ZYG11A: variants seen among roughly 807,000 people sequenced by gnomAD.
ZYG11A encodes the protein protein zyg-11 homolog A.
A neutral mutation model predicts 77.2 loss-of-function variants in ZYG11A; 62 were observed. That is an observed-to-expected ratio of 0.80 (90% confidence interval 0.65 to 0.99). The LOEUF (loss-of-function observed/expected upper bound fraction) is 0.99, where lower values mean the gene tolerates loss of function less well. Among genes scored for constraint, ZYG11A ranks in the 50% least tolerant of loss-of-function variants. The pLI is 0.00. For synonymous variants in ZYG11A, 315 were observed against 324.6 expected, an observed-to-expected ratio of 0.97 and a Z score of 0.32; for missense variants, 828 against 896.8, an observed-to-expected ratio of 0.92 and a Z score of 0.98.
At chr1:52,878,023 C>T in intron 10 of ZYG11A, 54 bp downstream of exon 10, 2 of 1,424,496 alleles carry the variant, frequency 1.4e-6, no homozygotes, top group Non-Finnish European at 9.7e-7. Context: ...AAACCTAACA[C>T]TTATATAGTA....
intron 1 of ZYG11A, among the ~76,000 whole-genome samples, chr1:52,852,555 G>C (rs1645733544): frequency 6.6e-6 from 1 of 151,366 alleles, no homozygotes; most frequent in African/African-American, 2.4e-5. Context: ...TTTAGAACAG[G>C]GTTTTGCTAT....
At chr1:52,847,868 A>T (rs867423362) in intron 1 of ZYG11A, among the ~76,000 whole-genome samples, 11 of 72,552 alleles carry the variant, frequency 1.5e-4, no homozygotes, top group African/African-American at 5.7e-4. Flanking sequence ...TTATTTATTT[A>T]TTTATTTATT....
chr1:52,883,470 C>T (rs922079014), intron 11 of ZYG11A, among the ~76,000 whole-genome samples: 8 of 151,586 alleles, frequency 5.3e-5, no homozygotes, highest in East Asian at 1.9e-4. Context: ...GTCTGTTGCC[C>T]GGGCTGGAGT....
Position 52,854,591 on chromosome 1 carries a change from G to A in ZYG11A, c.217G>A (p.Glu73Lys). The change falls in exon 2 of 14, where the codon GAA becomes AAA. Residue 73 changes from glutamate to lysine, a missense_variant. Physicochemically the swap from Glu to Lys is moderately conservative, Grantham distance 56. Coordinates refer to ENST00000371528, the MANE Select transcript of ZYG11A (RefSeq NM_001004339.3). Reference sequence around the variant, plus strand: ...TCCGGAGCATTGGAGTTTCCCTCAGGAAGTAGCCGAGCGATTTCTCAGGGT... The same window carrying A: ...TCCGGAGCATTGGAGTTTCCCTCAGAAAGTAGCCGAGCGATTTCTCAGGGT... ...CLPEHWSFPQ[E>K]VAERFLRVMT... 3 of 1,547,720 alleles carry A rather than the reference G, an allele frequency of 1.9e-6. No homozygotes were observed. The highest frequency in any genetic ancestry group is 1.7e-6 in the Non-Finnish European group (2 of 1,144,068).
chr1:52,893,121 G>A lies in ZYG11A; in HGVS notation c.*164G>A, dbSNP rs1371183929. Reference sequence around the variant, plus strand: ...AAAAGGTTGGATTTGTATGATAGCTGTAATCCCAAGTCAAGTTGGACTCAT... The same window carrying A: ...AAAAGGTTGGATTTGTATGATAGCTATAATCCCAAGTCAAGTTGGACTCAT... On this transcript the variant is annotated 3_prime_UTR_variant, in exon 14 of 14. Coordinates refer to ENST00000371528, the MANE Select transcript of ZYG11A (RefSeq NM_001004339.3). The A allele has an allele frequency of 3.1e-6, 2 of 638,552 alleles. No homozygotes were observed. The highest frequency in any genetic ancestry group is 5.2e-6 in the Non-Finnish European group (2 of 385,064). 39.6% of individuals were successfully genotyped at this position (638,552 alleles called of 1,614,324 possible).
Position 52,881,664 on chromosome 1 carries a change from T to C in ZYG11A, c.1943T>C (p.Leu648Pro). 1 of 1,547,342 alleles carries C rather than the reference T, an allele frequency of 6.5e-7. No homozygotes were observed. The highest frequency in any genetic ancestry group is 8.7e-7 in the Non-Finnish European group (1 of 1,144,366). ...CAGAGGCGTACTCTTCTCCAAGATC[T>C]GGTACAGGAACCACATTCTTATTTA... The part of the protein sequence containing the change: ...DFQRRTLLQD[L>P]HATIQNWPSS... The change falls in exon 11 of 14, where the codon CTG becomes CCG. Residue 648 changes from leucine (L) to proline (P), a missense_variant and splice_region_variant. Leu to Pro is a moderately conservative substitution (Grantham distance 98). Coordinates refer to ENST00000371528, the MANE Select transcript of ZYG11A (RefSeq NM_001004339.3).
At chr1:52,851,881 G>A (rs1227684464) in intron 1 of ZYG11A, among the ~76,000 whole-genome samples, 2 of 150,598 alleles carry the variant, frequency 1.3e-5, no homozygotes, top group Non-Finnish European at 3.0e-5. Context: ...CTGAGTAGCT[G>A]GGATTACAGG....
chr1:52,882,013 A>G (rs538690375), intron 11 of ZYG11A, among the ~76,000 whole-genome samples: 4 of 151,642 alleles, frequency 2.6e-5, no homozygotes, highest in African/African-American at 9.7e-5. Flanking sequence ...TCCCACCTCA[A>G]CCTCCCAAGT....
chr1:52,843,198 C>T (rs1337700100), intron 1 of ZYG11A, among the ~76,000 whole-genome samples: 2 of 152,120 alleles, frequency 1.3e-5, no homozygotes, highest in African/African-American at 4.8e-5. Flanking sequence ...CTTTTCTGCG[C>T]CCGGCGAAGC....
At chr1:52,870,890 G>T (rs1191093276) in intron 8 of ZYG11A, among the ~76,000 whole-genome samples, 1 of 143,840 alleles carries the variant, frequency 7.0e-6, no homozygotes, top group Non-Finnish European at 1.6e-5. Flanking sequence ...GGGGGAGGGG[G>T]AGAGGGAGAG....
intron 2 of ZYG11A, 76 bp downstream of exon 2, chr1:52,854,706 A>T (rs902463808): frequency 7.7e-7 from 1 of 1,302,846 alleles, no homozygotes. Flanking sequence ...CACAATTTCT[A>T]TTGTGATTCT....
At position 52,893,729 on chromosome 1, in the gene ZYG11A, C is replaced by T. The variant is rs1481102946; in HGVS notation, c.*772C>T. ...GCAGTGAGCTGAGATTGCACCACTG[C>T]ACTCCAGCCTGGATGACAGAGTGAG... On this transcript the variant is annotated 3_prime_UTR_variant, in exon 14 of 14. Coordinates refer to ENST00000371528, the MANE Select transcript of ZYG11A (RefSeq NM_001004339.3). The T allele has an allele frequency of 1.3e-5, 2 of 151,584 alleles. No individual in the cohort carries two copies. The highest frequency in any genetic ancestry group is 2.9e-5 in the Non-Finnish European group (2 of 67,956). The allele number at this position is 151,584 out of a possible 1,614,324, so 9.4% of individuals were successfully genotyped here.
At chr1:52,850,005 G>T (rs968221206) in intron 1 of ZYG11A, among the ~76,000 whole-genome samples, 2 of 152,110 alleles carry the variant, frequency 1.3e-5, no homozygotes, top group African/African-American at 4.8e-5. Flanking sequence ...TTTCTAACAG[G>T]CTGCTTAAGA....
intron 10 of ZYG11A, among the ~76,000 whole-genome samples, chr1:52,880,000 G>T (rs528789995): frequency 2.7e-4 from 41 of 150,126 alleles, no homozygotes; most frequent in African/African-American, 1.0e-3. Context: ...TCTTGACCTT[G>T]TGATCCACCT....
At chr1:52,876,692 A>G (rs1487679043) in intron 8 of ZYG11A, among the ~76,000 whole-genome samples, 6 of 152,240 alleles carry the variant, frequency 3.9e-5, no homozygotes, top group Admixed American at 3.9e-4. Context: ...GTCTCATCTA[A>G]CACTCTTCTC....
chr1:52,843,210 C>A (rs896753708), intron 1 of ZYG11A, among the ~76,000 whole-genome samples: 1 of 152,184 alleles, frequency 6.6e-6, no homozygotes, highest in East Asian at 1.9e-4. Flanking sequence ...CGGCGAAGCG[C>A]GTGGAACTTG....
At position 52,885,905 on chromosome 1, in the gene ZYG11A, G is replaced by C. The variant is rs904386519; in HGVS notation, c.2006+11G>C. 6 of 1,517,330 alleles carry C rather than the reference G, an allele frequency of 4.0e-6. No homozygotes were observed. The African/African-American group carries it at 8.5e-5, about 22-fold the overall frequency. The allele number at this position is 1,517,330 out of a possible 1,614,324, so 94.0% of individuals were successfully genotyped here. On this transcript the variant is annotated intron_variant, in intron 12 of 13. Transcript: ENST00000371528. The stretch of plus-strand genomic sequence containing the variant: ...ATTGGTGACCTATAGGTAATTTCAT[G>C]GTGTTGTGCTTTTCTTCTTTTTTTT...
chr1:52,885,935 T>C (rs1164971650), intron 12 of ZYG11A, 41 bp downstream of exon 12: 1 of 1,442,900 alleles, frequency 6.9e-7, no homozygotes, highest in East Asian at 2.5e-5. Flanking sequence ...TTTTTTTTCT[T>C]CTTTTTTTTA....
chr1:52,887,807 G>A (rs150704973), intron 13 of ZYG11A, among the ~76,000 whole-genome samples: 34 of 152,018 alleles, frequency 2.2e-4, no homozygotes, highest in African/African-American at 7.2e-4. Flanking sequence ...TCAGGATTTC[G>A]AGTCTGCAGT....
Sources: gnomAD v4.1 joint callset for allele counts (sites outside exome capture counted in the v4.1 genomes callset) on GRCh38, gnomAD v4.1.1 for gene constraint, MANE v1.5 for transcripts, NCBI Gene and HGNC (gene_info 2026-07-23, HGNC 2026-07-21) for gene names.